Variants in ADAMTSL1 observed in about 807,000 individuals in gnomAD.
The protein encoded by ADAMTSL1 is ADAMTS like 1, also known as ADAMTS-like protein 1.
In ADAMTSL1, 126 loss-of-function variants were observed where a neutral mutation model predicts 201.8. The ratio of observed to expected loss-of-function variants is 0.62; its 90% CI spans 0.54 to 0.72. ADAMTSL1 has a LOEUF of 0.72. ADAMTSL1 is among the 30% of genes least tolerant of loss of function. The probability of loss-of-function intolerance (pLI) is 0.00; values close to 1 mark genes in which losing one functional copy is unlikely to be tolerated. For synonymous variants in ADAMTSL1, 1,121 were observed against 903.4 expected (o/e 1.24, Z -4.32); for missense variants, 2,679 against 2,277.8 (o/e 1.18, Z -3.59).
chr9:18,322,116 G>T (rs945251796), intron 2 of ADAMTSL1, among the ~76,000 whole-genome samples: 4 of 152,130 alleles, frequency 2.6e-5, no homozygotes, highest in African/African-American at 9.7e-5. Context: ...ATGGTGGAAT[G>T]CAGCCAAAGT....
rs547470710 is a variant in ADAMTSL1, at chr9:18,695,198, C to T, written c.1574+10398C>T. Among the ~76,000 whole-genome samples the T allele has an allele frequency of 7.9e-5, 12 of 152,348 alleles. No homozygotes were observed. The East Asian group carries it at 1.5e-3, about 20-fold the overall frequency. On this transcript the variant is annotated intron_variant, in intron 13 of 28. Coordinates refer to ENST00000380548, the MANE Select transcript of ADAMTSL1 (RefSeq NM_001040272.6). ...TGTGATAGGAGGGACTGCCACAGCT[C>T]TGAAATGCCTTTGAGGCATTTTCCC...
At chr9:18,045,003 A>G (rs1460853930) in intron 1 of ADAMTSL1, among the ~76,000 whole-genome samples, 2 of 152,198 alleles carry the variant, frequency 1.3e-5, no homozygotes, top group African/African-American at 4.8e-5. Context: ...AGTTGAGAAT[A>G]GAGGCCAAAG....
At chr9:18,640,874 G>A (rs1827394461) in intron 7 of ADAMTSL1, among the ~76,000 whole-genome samples, 1 of 151,998 alleles carries the variant, frequency 6.6e-6, no homozygotes, top group Non-Finnish European at 1.5e-5. Context: ...TAGTTTACCA[G>A]CCTCTGATTT....
chr9:18,331,861 C>T (rs944148484), intron 2 of ADAMTSL1, among the ~76,000 whole-genome samples: 1 of 152,256 alleles, frequency 6.6e-6, no homozygotes, highest in East Asian at 1.9e-4. Context: ...AGGGCAGATG[C>T]AGTATCTTAT....
At chr9:18,480,347 T>C (rs1821661584) in intron 1 of ADAMTSL1, among the ~76,000 whole-genome samples, 1 of 145,770 alleles carries the variant, frequency 6.9e-6, no homozygotes, top group Non-Finnish European at 1.5e-5. Context: ...TCCCTCAGCC[T>C]ATGTGATCCT....
chr9:18,360,108 T>A (rs1267072290), intron 2 of ADAMTSL1, among the ~76,000 whole-genome samples: 4 of 152,088 alleles, frequency 2.6e-5, no homozygotes, highest in African/African-American at 9.7e-5. Context: ...AGATGTGGTT[T>A]CCTAGGTCCT....
chr9:17,964,002 A>G (rs898859505), intron 1 of ADAMTSL1, among the ~76,000 whole-genome samples: 28 of 152,122 alleles, frequency 1.8e-4, no homozygotes, highest in African/African-American at 6.3e-4. Context: ...ATTTAGTGCA[A>G]TATATGGCAC....
chr9:18,544,054 T>C (rs1820329943), intron 3 of ADAMTSL1, among the ~76,000 whole-genome samples: 1 of 152,178 alleles, frequency 6.6e-6, no homozygotes, highest in African/African-American at 2.4e-5. Context: ...GGGGGCTCTG[T>C]TACTTACTAA....
chr9:17,993,591 C>A (rs11789653), intron 1 of ADAMTSL1, among the ~76,000 whole-genome samples: 4,139 of 152,266 alleles, frequency 0.027, 78 homozygotes, highest in Non-Finnish European at 0.043. Context: ...CTCTCATTGT[C>A]AGCCATCTCA....
intron 2 of ADAMTSL1, among the ~76,000 whole-genome samples, chr9:18,311,571 C>T (rs1478686649): frequency 6.6e-6 from 1 of 152,096 alleles, no homozygotes; most frequent in East Asian, 1.9e-4. Flanking sequence ...TAGGCCTGAA[C>T]TGCTGAACAT....
chr9:18,084,527 AAAAAG>A (rs1049049622), intron 1 of ADAMTSL1, among the ~76,000 whole-genome samples: 2 of 152,040 alleles, frequency 1.3e-5, no homozygotes, highest in Non-Finnish European at 2.9e-5. Context: ...ATCTCAAAAA[AAAAAG>A]AAAAGAAAAA....
rs1164070218 is a variant in ADAMTSL1 at position 18,341,028 on chromosome 9, C to CT, written c.208-163800dup. 2.6e-5 allele frequency among the ~76,000 whole-genome samples: 4 copies of CT among 152,264 alleles called. No homozygotes were observed. In the East Asian group the frequency reaches 7.7e-4, roughly 29 times the overall value. On this transcript the variant is annotated intron_variant, in intron 2 of 29. Coordinates refer to the ADAMTSL1 transcript ENST00000680146. ...CCACCAACTCTCAAGTGGGTGATGA[C>CT]TACAGTTTCCCAACCACTCTGCTGT...
intron 2 of ADAMTSL1, among the ~76,000 whole-genome samples, chr9:18,378,400 T>C (rs1342583215): frequency 6.6e-6 from 1 of 152,246 alleles, no homozygotes; most frequent in African/African-American, 2.4e-5. Flanking sequence ...GTCTTGGCAC[T>C]AAGCCAGGGA....
intron 1 of ADAMTSL1, among the ~76,000 whole-genome samples, chr9:17,988,021 A>G (rs1183573990): frequency 6.6e-6 from 1 of 151,950 alleles, no homozygotes; most frequent in Admixed American, 6.6e-5. Flanking sequence ...GCAAAAGTAC[A>G]CTCTTAATTT....
intron 1 of ADAMTSL1, among the ~76,000 whole-genome samples, chr9:18,033,749 T>A (rs1404694467): frequency 2.0e-5 from 3 of 152,224 alleles, no homozygotes; most frequent in African/African-American, 7.2e-5. Flanking sequence ...TTTATACTCA[T>A]ACTATAATCA....
At chr9:18,069,509 C>G (rs1822859084) in intron 1 of ADAMTSL1, among the ~76,000 whole-genome samples, 1 of 152,130 alleles carries the variant, frequency 6.6e-6, no homozygotes, top group Admixed American at 6.5e-5. Context: ...ATTGCCTATT[C>G]TATTCTATTT....
intron 20 of ADAMTSL1, among the ~76,000 whole-genome samples, chr9:18,810,168 A>G (rs1460749582): frequency 6.6e-6 from 1 of 152,206 alleles, no homozygotes; most frequent in Non-Finnish European, 1.5e-5. Context: ...CTCAACAATC[A>G]TTATAGTACT....
chr9:18,441,508 T>C (rs144774311), intron 2 of ADAMTSL1, among the ~76,000 whole-genome samples: 1,919 of 152,252 alleles, frequency 0.013, 26 homozygotes, highest in African/African-American at 0.033. Flanking sequence ...CCAGTGCTTT[T>C]TTTCTGTTGG....
intron 1 of ADAMTSL1, among the ~76,000 whole-genome samples, chr9:18,141,636 C>G (rs1202008761): frequency 6.6e-6 from 1 of 152,138 alleles, no homozygotes; most frequent in South Asian, 2.1e-4. Context: ...TGGTGGCCTG[C>G]TCTTTGTGGC....
Sources: allele counts gnomAD v4.1 joint callset (sites outside exome capture counted in the v4.1 genomes callset), GRCh38; gene constraint gnomAD v4.1.1; transcripts MANE v1.5; gene names NCBI Gene and HGNC (gene_info 2026-07-23, HGNC 2026-07-21).